Variants in AGRN observed in about 807,000 individuals in gnomAD.
The protein encoded by AGRN is agrin.
Under a neutral mutation model 211.0 loss-of-function variants are expected in AGRN, and 106 were observed. The observed-to-expected ratio is 0.50, with a 90% confidence interval of 0.43 to 0.59. The LOEUF (loss-of-function observed/expected upper bound fraction) is 0.59. Among genes scored for constraint, AGRN ranks in the 20% least tolerant of loss-of-function variants. The pLI is 0.00. For synonymous variants in AGRN, 1,525 were observed against 1,332.5 expected, an observed-to-expected ratio of 1.14 and a Z score of -3.15; for missense variants, 3,040 against 2,982.6, an observed-to-expected ratio of 1.02 and a Z score of -0.45.
Position 1,046,055 on chromosome 1 carries a change from G to T in AGRN, c.2772G>T (p.Pro924=). ...CTGGCTCAGCCCACTGTGTCTGCCC[G>T]ATGCTCACCTGTCCAGAGGCCAACG... The part of the protein sequence containing the change: ...EESGSAHCVC[P]MLTCPEANAT... The change falls in exon 16 of 36, where the codon CCG becomes CCT. Residue 924 remains proline (P), a synonymous_variant. Coordinates refer to ENST00000379370, the MANE Select transcript of AGRN (RefSeq NM_198576.4). The T allele has an allele frequency of 1.9e-6, 3 of 1,614,052 alleles. No homozygotes were observed. The highest frequency in any genetic ancestry group is 1.7e-6 in the Non-Finnish European group (2 of 1,180,012).
intron 3 of AGRN, among the ~76,000 whole-genome samples, chr1:1,038,216 G>C (rs780709158): frequency 3.3e-5 from 5 of 152,184 alleles, no homozygotes; most frequent in Non-Finnish European, 7.4e-5. Context: ...CAAGAGGAGC[G>C]GACTCTCTGA....
Position 1,020,453 on chromosome 1 carries a change from G to A in AGRN, c.201+80G>A, listed in dbSNP as rs1644370982. The A allele has an allele frequency of 7.4e-6, 10 of 1,353,996 alleles. No homozygotes were observed. The African/African-American group carries it at 1.1e-4, about 14-fold the overall frequency. 83.9% of individuals were successfully genotyped at this position (1,353,996 alleles called of 1,614,324 possible). ...CCCCCGCCCCAGGCCGTGGGAACCA[G>A]CCCCGGTCGCTCCGCAGCCCCCGCT... On this transcript the variant is annotated intron_variant, in intron 1 of 35. Transcript: ENST00000379370.
At chr1:1,020,634 G>A (rs1644376392) in intron 1 of AGRN, among the ~76,000 whole-genome samples, 1 of 152,210 alleles carries the variant, frequency 6.6e-6, no homozygotes, top group African/African-American at 2.4e-5. Flanking sequence ...ACGGACTGCG[G>A]CTGCCGCGCG....
rs772582506 is a variant in AGRN at position 1,046,189 on chromosome 1, C to A, written c.2835C>A (p.Gly945=). ...GTGGGTCAGATGGAGTCACATACGG[C>A]AACGAGTGTCAGCTGAAGACCATCG... ...KVCGSDGVTY[G]NECQLKTIAC... The change falls in exon 17 of 36, where the codon GGC becomes GGA. Residue 945 remains glycine, a synonymous_variant. Transcript: ENST00000379370. The A allele has an allele frequency of 6.2e-7, 1 of 1,613,818 alleles. No homozygotes were observed. Among genetic ancestry groups the A allele is most frequent in the East Asian group, 2.2e-5 (1 of 44,874 alleles).
Position 1,048,767 on chromosome 1 carries a change from C to CAAAAA in AGRN, c.4106-82_4106-78dup, listed in dbSNP as rs57668569. 8.4e-5 allele frequency: 91 copies of CAAAAA among 1,077,894 alleles called. No individual in the cohort carries two copies. Among genetic ancestry groups the CAAAAA allele is most frequent in the South Asian group, 1.6e-4 (9 of 57,138 alleles). The allele number at this position is 1,077,894 out of a possible 1,614,324, so 66.8% of individuals were successfully genotyped here. A position where few individuals can be genotyped will look rare whatever the true frequency, so the allele number is the denominator to read the frequency against. ...GGGCAAAAAGAGCAAAACTCCGTCT[C>CAAAAA]AAAAAAAAAAAAAAAAAAAAAAGCA... On this transcript the variant is annotated intron_variant, in intron 23 of 35. Coordinates refer to ENST00000379370, the MANE Select transcript of AGRN (RefSeq NM_198576.4). This position sits in a 1 kb window ranked among gnomAD's most constrained non-coding sequence, Gnocchi z 5.9.
chr1:1,054,041 C>T (rs1645385588), intron 34 of AGRN, 64 bp downstream of exon 34: 3 of 1,510,216 alleles, frequency 2.0e-6, no homozygotes, highest in Non-Finnish European at 2.7e-6. Flanking sequence ...CCCAGCTGGG[C>T]TGTGTCCAGT....
rs1275988882 is a variant in AGRN at position 1,046,808 on chromosome 1, G to A, written c.3251-12G>A. 1.7e-5 allele frequency: 27 copies of A among 1,578,088 alleles called. No individual in the cohort carries two copies. The highest frequency in any genetic ancestry group is 7.4e-5 in the Admixed American group (4 of 54,298). ...CTCCACCAGAGCCTGGGCTCAGAGC[G>A]CGTCTCCCCAGGGCTCGAGCCCTTG... On this transcript the variant is annotated splice_polypyrimidine_tract_variant and intron_variant, in intron 18 of 35. Transcript: ENST00000379370.
intron 2 of AGRN, chr1:1,034,357 C>T (rs1479340339): frequency 1.0e-6 from 1 of 985,428 alleles, no homozygotes; most frequent in Non-Finnish European, 1.2e-6. Context: ...ATTCTGCCCT[C>T]CTCCCACGAT....
In AGRN at chr1:1,043,197, G is replaced by C. The variant is rs200373411; in HGVS notation, c.1385-42G>C. The stretch of plus-strand genomic sequence containing the variant: ...GGCTGGGGGCTTTGCCTGCAGCGGA[G>C]GGGGGGCTTGTGGGACCACTGAGCC... On this transcript the variant is annotated intron_variant, in intron 7 of 35. Transcript: ENST00000379370. 7.9e-5 allele frequency: 123 copies of C among 1,554,922 alleles called. No individual in the cohort carries two copies. The East Asian group carries it at 1.3e-3, about 16-fold the overall frequency.
rs765519795 is a variant in AGRN at position 1,055,112 on chromosome 1, G to C, written c.*131G>C. 5.6e-6 allele frequency: 8 copies of C among 1,427,684 alleles called. No individual in the cohort carries two copies. The highest frequency in any genetic ancestry group is 4.0e-5 in the Admixed American group (2 of 50,468). 88.4% of individuals were successfully genotyped at this position (1,427,684 alleles called of 1,614,324 possible). ...GCCCGGCCTCCCTTCCGTCCAGGCAGCCGTGCTGCAGACAGACCTAGTGCC... is the reference window on the plus strand; with the variant it reads ...GCCCGGCCTCCCTTCCGTCCAGGCACCCGTGCTGCAGACAGACCTAGTGCC... On this transcript the variant is annotated 3_prime_UTR_variant, in exon 36 of 36. Coordinates refer to ENST00000379370, the MANE Select transcript of AGRN (RefSeq NM_198576.4).
rs1645167355 is a variant in AGRN, at chr1:1,048,484, G to C, written c.4105+119G>C. ...GGGCAGGAGCCCGGATTAAGGCGGG[G>C]TTTCGGCCAGATGCGGTGGCTCACG... On this transcript the variant is annotated intron_variant, in intron 23 of 35. Transcript: ENST00000379370. The surrounding 1 kb of genome is among the most constrained non-coding windows in gnomAD (Gnocchi z 5.9). 7 of 917,438 alleles carry C rather than the reference G, an allele frequency of 7.6e-6. No individual in the cohort carries two copies. Among genetic ancestry groups the C allele is most frequent in the Admixed American group, 3.0e-5 (1 of 32,912 alleles). The allele number at this position is 917,438 out of a possible 1,614,324, so 56.8% of individuals were successfully genotyped here.
chr1:1,054,738 G>A (rs1197900550), intron 35 of AGRN, 86 bp from the exon 36 acceptor site: 1 of 1,522,350 alleles, frequency 6.6e-7, no homozygotes, highest in Admixed American at 2.0e-5. Context: ...GCCCAGGTGT[G>A]GGCCCCCTGC....
At chr1:1,027,119 C>T (rs1644537449) in intron 2 of AGRN, among the ~76,000 whole-genome samples, 1 of 152,344 alleles carries the variant, frequency 6.6e-6, no homozygotes, top group Non-Finnish European at 1.5e-5. Flanking sequence ...AGGGAGACGG[C>T]CCCTCCCAGC....
At chr1:1,028,174 T>C (rs978151092) in intron 2 of AGRN, among the ~76,000 whole-genome samples, 6 of 152,004 alleles carry the variant, frequency 3.9e-5, no homozygotes, top group Non-Finnish European at 8.8e-5. Context: ...CAGAGAACCG[T>C]GGGAGAAAGA....
At chr1:1,029,386 G>GGAT (rs368498839) in intron 2 of AGRN, among the ~76,000 whole-genome samples, 22 of 77,504 alleles carry the variant, frequency 2.8e-4, no homozygotes, top group African/African-American at 1.0e-3. Context: ...CAGGTGGGGG[G>GGAT]ATCAGTGTCT....
In AGRN at chr1:1,023,784, C is replaced by T. The variant is rs1644461222; in HGVS notation, c.463+1322C>T. On this transcript the variant is annotated intron_variant, in intron 2 of 35. Transcript: ENST00000379370. ...GGCTCTGCATCTTACCGAAGCCGCT[C>T]TACGGGTGCCAGGCACTGGCTCTGG... Among the ~76,000 whole-genome samples the T allele has an allele frequency of 2.0e-5, 3 of 152,200 alleles. No homozygotes were observed. The South Asian group carries it at 6.2e-4, about 31-fold the overall frequency.
chr1:1,024,127 G>A (rs563000200), intron 2 of AGRN, among the ~76,000 whole-genome samples: 2 of 152,210 alleles, frequency 1.3e-5, no homozygotes, highest in Admixed American at 6.5e-5. Context: ...AGGAGCTTCC[G>A]GTGGGACATG....
chr1:1,030,224 CGT>C (rs1351968428), intron 2 of AGRN, among the ~76,000 whole-genome samples: 17 of 21,302 alleles, frequency 8.0e-4, no homozygotes, highest in African/African-American at 2.9e-3. Context: ...GAGATCAGCG[CGT>C]GTGTGTGTGC....
Position 1,051,478 on chromosome 1 carries a change from T to C in AGRN, c.5396T>C (p.Leu1799Pro). The C allele has an allele frequency of 6.4e-7, 1 of 1,569,100 alleles. No homozygotes were observed. Among genetic ancestry groups the C allele is most frequent in the Non-Finnish European group, 8.6e-7 (1 of 1,161,788 alleles). ...QLVSLGGRQLLTPEHVLRQVD... is the reference protein window; with the variant it reads ...QLVSLGGRQLPTPEHVLRQVD... ...GTCTCCCTCGGAGGCCGCCAGCTGC[T>C]GACCCCGGAGCACGTGCTGCGGCAG... The change falls in exon 32 of 36, where the codon CTG becomes CCG. Residue 1799 changes from leucine (L) to proline (P), a missense_variant. This residue lies in a region of AGRN where 1,537 missense variants were observed against 1,505.0 expected (regional missense o/e 1.02). Transcript: ENST00000379370.
Sources: allele counts gnomAD v4.1 joint callset (sites outside exome capture counted in the v4.1 genomes callset), GRCh38; gene constraint gnomAD v4.1.1; regional missense constraint gnomAD v4.1.1; non-coding constraint Gnocchi (gnomAD v3.1); transcripts MANE v1.5; gene names NCBI Gene and HGNC (gene_info 2026-07-23, HGNC 2026-07-21).